Variants in ZNF652 observed in about 807,000 individuals in gnomAD.
ZNF652 encodes zinc finger protein 652.
A neutral mutation model predicts 45.2 loss-of-function variants in ZNF652; 16 were observed. The ratio of observed to expected loss-of-function variants is 0.35; its 90% CI spans 0.24 to 0.54. The LOEUF (loss-of-function observed/expected upper bound fraction) is 0.54. ZNF652 is among the 20% of genes least tolerant of loss of function. ZNF652 has a pLI of 0.91. For synonymous variants in ZNF652, 250 were observed against 260.6 expected, an observed-to-expected ratio of 0.96 and a Z score of 0.39; for missense variants, 614 against 765.6, an observed-to-expected ratio of 0.80 and a Z score of 2.34.
At chr17:49,314,010 A>G (rs1473455977) in intron 2 of ZNF652, among the ~76,000 whole-genome samples, 20 of 136,080 alleles carry the variant, frequency 1.5e-4, no homozygotes, top group African/African-American at 5.2e-4. Flanking sequence ...AAAAAAAAAA[A>G]AAAGAAAAGA....
chr17:49,343,456 A>G (rs1024194217), intron 1 of ZNF652, among the ~76,000 whole-genome samples: 17 of 152,220 alleles, frequency 1.1e-4, no homozygotes, highest in Non-Finnish European at 2.1e-4. Context: ...AGAGCCCAAG[A>G]GGAAGTGAAC....
intron 1 of ZNF652, among the ~76,000 whole-genome samples, chr17:49,319,635 CAAAAAAAAAA>C (rs35770760): frequency 2.4e-4 from 11 of 46,234 alleles, no homozygotes; most frequent in Non-Finnish European, 3.0e-4. Flanking sequence ...GACTCTGTCT[CAAAAAAAAAA>C]AAAAAAAAAA....
At chr17:49,307,435 GA>G (rs1175854049) in intron 5 of ZNF652, among the ~76,000 whole-genome samples, 2,319 of 40,434 alleles carry the variant, frequency 0.057, 8 homozygotes, top group African/African-American at 0.099. Context: ...TGTCTCAAAA[GA>G]AAAAAAAAAA....
intron 1 of ZNF652, among the ~76,000 whole-genome samples, chr17:49,327,494 A>G (rs2069967640): frequency 6.6e-6 from 1 of 151,662 alleles, no homozygotes; most frequent in South Asian, 2.1e-4. Context: ...ATTGTTAAAC[A>G]TTTATGAAGT....
intron 1 of ZNF652, among the ~76,000 whole-genome samples, chr17:49,333,121 G>A (rs557686549): frequency 1.0e-3 from 152 of 151,474 alleles, no homozygotes; most frequent in Non-Finnish European, 1.8e-3. Context: ...GCAGTGGCGC[G>A]ATCTCAGCTC....
At chr17:49,322,731 A>C (rs2069909291) in intron 1 of ZNF652, among the ~76,000 whole-genome samples, 1 of 152,070 alleles carries the variant, frequency 6.6e-6, no homozygotes, top group Admixed American at 6.6e-5. Flanking sequence ...TAAAAATACA[A>C]AAAATTAGCT....
At chr17:49,311,266 A>G in intron 5 of ZNF652, 46 bp downstream of exon 5, 2 of 1,575,254 alleles carry the variant, frequency 1.3e-6, no homozygotes, top group Non-Finnish European at 1.7e-6. Context: ...ATGATCATCA[A>G]CAAGTGCTTG....
rs772108968 is a variant in ZNF652 at position 49,312,841 on chromosome 17, A to G, written c.905T>C (p.Val302Ala). The G allele has an allele frequency of 6.2e-7, 1 of 1,613,832 alleles. No individual in the cohort carries two copies. ...TTTCTTGAACGATTTGTTACAGGAA[A>G]CACACTGAGCAGGATAAATAGAAAT... ...QTDCEKNIQCVSCNKSFKKLW... is the reference protein window; with the variant it reads ...QTDCEKNIQCASCNKSFKKLW... Residue 302 changes from valine to alanine, a missense_variant, in exon 3 of 6, where the codon GTT becomes GCT. Val to Ala is a moderately conservative substitution (Grantham distance 64). Transcript: ENST00000430262.
downstream of ZNF652, chr17:49,289,148 G>GA (rs1244952281): frequency 6.6e-6 from 1 of 151,660 alleles, no homozygotes; most frequent in East Asian, 1.9e-4. Context: ...TAGCCAGGGG[G>GA]ACCTCAAAAT....
chr17:49,359,863 GA>G (rs556688917), intron 1 of ZNF652, among the ~76,000 whole-genome samples: 3,775 of 150,808 alleles, frequency 0.025, 65 homozygotes, highest in Non-Finnish European at 0.035. Flanking sequence ...TAACAAAGTT[GA>G]AAAAAAAATC....
chr17:49,318,330 G>A (rs2069840212), intron 1 of ZNF652, among the ~76,000 whole-genome samples: 1 of 152,076 alleles, frequency 6.6e-6, no homozygotes, highest in Non-Finnish European at 1.5e-5. Context: ...CCTGTCTGGG[G>A]CTCCCAAAGT....
At chr17:49,348,545 C>G (rs1459996934) in intron 1 of ZNF652, among the ~76,000 whole-genome samples, 2 of 118,086 alleles carry the variant, frequency 1.7e-5, no homozygotes, top group African/African-American at 3.4e-5. Context: ...AAAAGAAAAA[C>G]CCCCGCAAGG....
intron 5 of ZNF652, among the ~76,000 whole-genome samples, chr17:49,306,498 T>C (rs1300306565): frequency 6.6e-6 from 1 of 152,164 alleles, no homozygotes; most frequent in Admixed American, 6.5e-5. Context: ...TCTCGCTATA[T>C]TGCCTAGGTT....
At chr17:49,348,504 G>T (rs2070233714) in intron 1 of ZNF652, among the ~76,000 whole-genome samples, 1 of 129,024 alleles carries the variant, frequency 7.8e-6, no homozygotes, top group African/African-American at 2.8e-5. Flanking sequence ...GAAAAGAAAA[G>T]AAAAGAAAAG....
In ZNF652 at chr17:49,291,975, A is replaced by G. The variant is rs146342527; in HGVS notation, c.*6438T>C. Among the ~76,000 whole-genome samples, 37 of 152,210 alleles carry G rather than the reference A, an allele frequency of 2.4e-4. No homozygotes were observed. The East Asian group carries it at 7.1e-3, about 29-fold the overall frequency. ...AATTCTCACAATTTTGCACTATCTCACCAATAATATCTTTCCTGTTGCCAG... is the reference window on the plus strand; with the variant it reads ...AATTCTCACAATTTTGCACTATCTCGCCAATAATATCTTTCCTGTTGCCAG... On this transcript the variant is annotated 3_prime_UTR_variant, in exon 6 of 6. Transcript: ENST00000430262.
intron 1 of ZNF652, among the ~76,000 whole-genome samples, chr17:49,326,446 G>A (rs1337401431): frequency 6.6e-6 from 1 of 152,124 alleles, no homozygotes; most frequent in African/African-American, 2.4e-5. Context: ...ATGACAGAAA[G>A]TAGGCTAGGA....
At chr17:49,326,531 A>G (rs1433158152) in intron 1 of ZNF652, among the ~76,000 whole-genome samples, 2 of 152,162 alleles carry the variant, frequency 1.3e-5, no homozygotes, top group Non-Finnish European at 2.9e-5. Context: ...TAATAGAAAC[A>G]AAAAAGAAAA....
chr17:49,358,387 TA>T (rs1323895619), intron 1 of ZNF652, among the ~76,000 whole-genome samples: 1 of 152,208 alleles, frequency 6.6e-6, no homozygotes, highest in Non-Finnish European at 1.5e-5. Flanking sequence ...GCACAAGACC[TA>T]AGACTTCACA....
At chr17:49,301,407 C>T (rs2143710183) in intron 5 of ZNF652, among the ~76,000 whole-genome samples, 1 of 152,260 alleles carries the variant, frequency 6.6e-6, no homozygotes, top group Admixed American at 6.5e-5. Context: ...AAGTGATCCT[C>T]CCGCCTCAGC....
Sources: gnomAD v4.1 joint callset for allele counts (sites outside exome capture counted in the v4.1 genomes callset) on GRCh38, gnomAD v4.1.1 for gene constraint, MANE v1.5 for transcripts, NCBI Gene and HGNC (gene_info 2026-07-23, HGNC 2026-07-21) for gene names.